The following SCGN variants were observed in gnomAD, a reference collection of about 807,000 sequenced individuals.
SCGN encodes the protein secretagogin.
In SCGN, 30 loss-of-function variants were observed where a neutral mutation model predicts 39.7. The ratio of observed to expected loss-of-function variants is 0.76; its 90% CI spans 0.57 to 1.03. The LOEUF (loss-of-function observed/expected upper bound fraction) is 1.03. Ranked by LOEUF, SCGN falls within the 50% of genes least tolerant of loss-of-function variation. SCGN has a pLI of 0.00. For missense variants in SCGN, 353 were observed against 349.4 expected (o/e 1.01, Z -0.08); for synonymous variants, 106 against 114.1 (o/e 0.93, Z 0.45).
intron 7 of SCGN, among the ~76,000 whole-genome samples, chr6:25,682,397 G>GCACTTCAAGAA (rs372409688): frequency 0.019 from 2,927 of 152,188 alleles, 64 homozygotes; most frequent in African/African-American, 0.06. Flanking sequence ...GACTCCAGGT[G>GCACTTCAAGAA]CACTCTGTGT....
intron 3 of SCGN, among the ~76,000 whole-genome samples, chr6:25,664,516 A>G (rs1760394942): frequency 6.6e-6 from 1 of 152,230 alleles, no homozygotes. Flanking sequence ...TAAATGAATT[A>G]GCATACACAA....
chr6:25,681,915 G>A, intron 6 of SCGN, 36 bp from the exon 7 acceptor site: 1 of 1,563,334 alleles, frequency 6.4e-7, no homozygotes, highest in Non-Finnish European at 8.8e-7. Context: ...ATTAGTTCCT[G>A]TTACAAGTAC....
chr6:25,689,447 T>C (rs1316902716), intron 8 of SCGN, 26 bp from the exon 9 acceptor site: 1 of 1,602,014 alleles, frequency 6.2e-7, no homozygotes, highest in Non-Finnish European at 8.6e-7. Context: ...ATTGCTGGAC[T>C]GACATAATGT....
At chr6:25,695,292 T>C (rs976841455) in intron 10 of SCGN, among the ~76,000 whole-genome samples, 3 of 152,196 alleles carry the variant, frequency 2.0e-5, no homozygotes, top group African/African-American at 7.2e-5. Context: ...ATATACAATT[T>C]GATGCATTTG....
intron 10 of SCGN, among the ~76,000 whole-genome samples, chr6:25,693,240 A>C (rs1435050732): frequency 6.6e-6 from 1 of 152,102 alleles, no homozygotes; most frequent in Non-Finnish European, 1.5e-5. Flanking sequence ...TCACGAGGTC[A>C]GGAGATCGAG....
chr6:25,674,783 T>G (rs1014589088), intron 6 of SCGN, among the ~76,000 whole-genome samples: 1 of 152,214 alleles, frequency 6.6e-6, no homozygotes, highest in Non-Finnish European at 1.5e-5. Context: ...TAATTAATGT[T>G]CTGGACAAGA....
intron 3 of SCGN, 142 bp from the exon 4 acceptor site, chr6:25,664,801 A>G (rs1760398648): frequency 3.4e-6 from 2 of 585,352 alleles, no homozygotes; most frequent in South Asian, 2.2e-5. Context: ...TCAAGAGCAC[A>G]GAACTGCAAA....
At chr6:25,656,366 T>G (rs1186579508) in intron 2 of SCGN, among the ~76,000 whole-genome samples, 17 of 152,178 alleles carry the variant, frequency 1.1e-4, no homozygotes, top group Non-Finnish European at 4.4e-5. Context: ...AGAAGGTATT[T>G]TGAGGTTTCT....
intron 10 of SCGN, among the ~76,000 whole-genome samples, chr6:25,699,660 T>G (rs1221905894): frequency 6.9e-6 from 1 of 145,938 alleles, no homozygotes; most frequent in East Asian, 2.0e-4. Context: ...TAAACCAGGG[T>G]GCAGAGAACA....
intron 6 of SCGN, among the ~76,000 whole-genome samples, chr6:25,671,387 C>T (rs1270477038): frequency 1.4e-5 from 2 of 138,984 alleles, no homozygotes; most frequent in African/African-American, 2.7e-5. Flanking sequence ...CTGGAGACTT[C>T]TCTGCTTTCC....
intron 6 of SCGN, among the ~76,000 whole-genome samples, chr6:25,678,156 T>C (rs1364594119): frequency 1.3e-5 from 2 of 152,186 alleles, no homozygotes; most frequent in Non-Finnish European, 2.9e-5. Flanking sequence ...TTCAGGTAGT[T>C]AATTCTCAAA....
Position 25,652,335 on chromosome 6 carries a change from G to C in SCGN, c.-69G>C, listed in dbSNP as rs920998696. On this transcript the variant is annotated 5_prime_UTR_variant, in exon 1 of 11. Transcript: ENST00000377961. ...AGCAGGAGAGCAAGTCAAGAAATACGGTGAAGGAGTCCTTCCCAAAGTTGT... is the reference window on the plus strand; with the variant it reads ...AGCAGGAGAGCAAGTCAAGAAATACCGTGAAGGAGTCCTTCCCAAAGTTGT... The C allele has an allele frequency of 8.6e-7, 1 of 1,165,656 alleles. No individual in the cohort carries two copies. Among genetic ancestry groups the C allele is most frequent in the Non-Finnish European group, 1.3e-6 (1 of 779,670 alleles). 72.2% of individuals were successfully genotyped at this position (1,165,656 alleles called of 1,614,324 possible). A position where few individuals can be genotyped will look rare whatever the true frequency, so the allele number is the denominator to read the frequency against.
intron 7 of SCGN, among the ~76,000 whole-genome samples, chr6:25,686,729 GTTGT>G (rs1367837655): frequency 6.6e-6 from 1 of 151,808 alleles, no homozygotes; most frequent in Non-Finnish European, 1.5e-5. Context: ...AATTTTTTTG[GTTGT>G]TTGTGTTTTA....
chr6:25,665,568 C>A (rs1760409886), intron 4 of SCGN, among the ~76,000 whole-genome samples: 1 of 152,176 alleles, frequency 6.6e-6, no homozygotes, highest in Non-Finnish European at 1.5e-5. Context: ...GCCTCTCTTA[C>A]CGCTTTCCCT....
chr6:25,668,358 T>C (rs1305024232), intron 4 of SCGN, among the ~76,000 whole-genome samples: 1 of 152,348 alleles, frequency 6.6e-6, no homozygotes, highest in East Asian at 1.9e-4. Flanking sequence ...CAGTGCTTTC[T>C]TCAAAGAGTG....
At chr6:25,657,615 A>AAT (rs368102506) in intron 2 of SCGN, among the ~76,000 whole-genome samples, 20 of 151,590 alleles carry the variant, frequency 1.3e-4, no homozygotes, top group Non-Finnish European at 2.2e-4. Context: ...AGGATCATTG[A>AAT]AGCTTACTCT....
intron 4 of SCGN, among the ~76,000 whole-genome samples, chr6:25,669,066 G>A (rs949973139): frequency 1.3e-5 from 2 of 149,770 alleles, no homozygotes; most frequent in Non-Finnish European, 3.0e-5. Context: ...AGCCGAGATC[G>A]CGCCACTGCA....
intron 2 of SCGN, among the ~76,000 whole-genome samples, chr6:25,661,290 G>A (rs1400826899): frequency 6.6e-6 from 1 of 152,102 alleles, no homozygotes; most frequent in Non-Finnish European, 1.5e-5. Context: ...TAGTCTCTAA[G>A]CTTCTTTTCA....
At chr6:25,664,585 T>C (rs1048496692) in intron 3 of SCGN, among the ~76,000 whole-genome samples, 5 of 152,222 alleles carry the variant, frequency 3.3e-5, no homozygotes, top group Admixed American at 6.5e-5. Context: ...TTTTCTGTTA[T>C]TATGGAATTA....
Sources: gnomAD v4.1 joint callset for allele counts (sites outside exome capture counted in the v4.1 genomes callset) on GRCh38, gnomAD v4.1.1 for gene constraint, MANE v1.5 for transcripts, NCBI Gene and HGNC (gene_info 2026-07-23, HGNC 2026-07-21) for gene names.